Variants in LHFPL2 observed in about 807,000 individuals in gnomAD.
LHFPL2 encodes the protein LHFPL tetraspan subfamily member 2.
LHFPL2 carries 7 observed loss-of-function variants against 17.5 expected under a neutral mutation model. That is an observed-to-expected ratio of 0.40 (90% CI 0.23 to 0.75). The LOEUF (loss-of-function observed/expected upper bound fraction) is 0.75, where lower values mean the gene tolerates loss of function less well. Ranked by LOEUF, LHFPL2 falls within the 30% of genes least tolerant of loss-of-function variation. LHFPL2 has a pLI of 0.37. For synonymous variants in LHFPL2, 134 were observed against 116.2 expected, an observed-to-expected ratio of 1.15 and a Z score of -0.99; for missense variants, 241 against 294.8, an observed-to-expected ratio of 0.82 and a Z score of 1.34.
intron 1 of LHFPL2, among the ~76,000 whole-genome samples, chr5:78,635,616 C>A (rs1287042412): frequency 6.6e-6 from 1 of 152,186 alleles, no homozygotes; most frequent in East Asian, 1.9e-4. Flanking sequence ...TCCTGGCTAA[C>A]ACGGTGAAAC....
intron 2 of LHFPL2, among the ~76,000 whole-genome samples, chr5:78,620,908 T>C (rs1288792567): frequency 6.6e-6 from 1 of 152,196 alleles, no homozygotes; most frequent in Non-Finnish European, 1.5e-5. Context: ...GTGGCTCCAG[T>C]GAAATATCTC....
chr5:78,497,807 T>A (rs982998228), intron 4 of LHFPL2, among the ~76,000 whole-genome samples: 1 of 152,246 alleles, frequency 6.6e-6, no homozygotes, highest in African/African-American at 2.4e-5. Context: ...ACTGAAAACC[T>A]TCCTGGCTAC....
intron 3 of LHFPL2, among the ~76,000 whole-genome samples, chr5:78,533,165 G>A (rs904164275): frequency 9.2e-5 from 14 of 152,132 alleles, no homozygotes; most frequent in Non-Finnish European, 1.5e-4. Context: ...GGTCAGTGCC[G>A]TCAGCTTTTC....
intron 1 of LHFPL2, among the ~76,000 whole-genome samples, chr5:78,636,492 C>A (rs1018212091): frequency 3.3e-5 from 5 of 152,056 alleles, no homozygotes; most frequent in Admixed American, 6.5e-5. Flanking sequence ...GATCCTGCAT[C>A]TTTAGGAATA....
chr5:78,581,578 A>C (rs1333992291), intron 2 of LHFPL2, among the ~76,000 whole-genome samples: 1 of 152,142 alleles, frequency 6.6e-6, no homozygotes, highest in Non-Finnish European at 1.5e-5. Context: ...TTCTGTTTAT[A>C]TGCTGGATTA....
At chr5:78,572,904 G>A (rs964044112) in intron 2 of LHFPL2, among the ~76,000 whole-genome samples, 3 of 152,116 alleles carry the variant, frequency 2.0e-5, no homozygotes, top group African/African-American at 7.2e-5. Context: ...ATTCTCATAA[G>A]GAGCATACAA....
chr5:78,637,152 A>G (rs895433713), intron 1 of LHFPL2, among the ~76,000 whole-genome samples: 1 of 152,174 alleles, frequency 6.6e-6, no homozygotes, highest in Non-Finnish European at 1.5e-5. Context: ...AACCCCGGGT[A>G]GGGTCTGGTC....
intron 3 of LHFPL2, among the ~76,000 whole-genome samples, chr5:78,527,565 CT>C (rs139157513): frequency 0.012 from 1,789 of 151,942 alleles, 24 homozygotes; most frequent in African/African-American, 0.041. Flanking sequence ...TCACCAGACC[CT>C]TTTGTGTTCA....
intron 3 of LHFPL2, among the ~76,000 whole-genome samples, chr5:78,522,706 C>T (rs1391656800): frequency 6.6e-6 from 1 of 152,156 alleles, no homozygotes; most frequent in East Asian, 1.9e-4. Context: ...TGAAGATACT[C>T]TTACTGCCCT....
chr5:78,488,562 G>C lies in LHFPL2; in HGVS notation c.*335C>G. 3.6e-6 allele frequency: 1 copy of C among 279,786 alleles called. No homozygotes were observed. Among genetic ancestry groups the C allele is most frequent in the Non-Finnish European group, 7.0e-6 (1 of 143,846 alleles). The allele number at this position is 279,786 out of a possible 1,614,324, so 17.3% of individuals were successfully genotyped here. ...GAAACAGCCTGCAGATCTGGCGGAC[G>C]GTCTCTTCCGTTACCAGAGAAACTG... On this transcript the variant is annotated 3_prime_UTR_variant, in exon 5 of 5. Transcript: ENST00000380345.
intron 2 of LHFPL2, among the ~76,000 whole-genome samples, chr5:78,581,427 T>G (rs983765587): frequency 2.0e-4 from 31 of 152,254 alleles, no homozygotes; most frequent in African/African-American, 3.6e-4. Context: ...TGGCTGTGGG[T>G]TTGTCATAGA....
intron 2 of LHFPL2, among the ~76,000 whole-genome samples, chr5:78,573,033 C>T (rs577945804): frequency 1.9e-4 from 29 of 152,286 alleles, no homozygotes; most frequent in African/African-American, 6.7e-4. Flanking sequence ...CCTGGTCCTG[C>T]TGTGCAGCTT....
chr5:78,569,870 A>G (rs533728584), intron 2 of LHFPL2, among the ~76,000 whole-genome samples: 2 of 152,366 alleles, frequency 1.3e-5, no homozygotes, highest in African/African-American at 4.8e-5. Flanking sequence ...TGATTCAAAC[A>G]TTATCCCATC....
intron 4 of LHFPL2, among the ~76,000 whole-genome samples, chr5:78,489,537 C>T (rs1285979279): frequency 6.6e-6 from 1 of 152,088 alleles, no homozygotes; most frequent in African/African-American, 2.4e-5. Context: ...CCAAGTAGCT[C>T]GGATTACAGG....
intron 4 of LHFPL2, 123 bp from the exon 5 acceptor site, chr5:78,489,276 G>A: frequency 9.6e-7 from 1 of 1,041,436 alleles, no homozygotes; most frequent in Non-Finnish European, 1.4e-6. Flanking sequence ...AATAGAAAGT[G>A]TTGGGACTGT....
intron 3 of LHFPL2, among the ~76,000 whole-genome samples, chr5:78,547,377 C>A (rs1224097325): frequency 1.3e-5 from 2 of 152,144 alleles, no homozygotes; most frequent in Non-Finnish European, 1.5e-5. Context: ...ACATCAACTC[C>A]CCAAAAGCAA....
In LHFPL2 at chr5:78,485,683, G is replaced by A. The variant is rs1030079607; in HGVS notation, c.*3214C>T. ...TTAAATACTGGTCTAGCATTAGCAT[G>A]GTCTATAAAAGCATGTTAAGAAATA... On this transcript the variant is annotated 3_prime_UTR_variant, in exon 5 of 5. Transcript: ENST00000380345. 6.6e-6 allele frequency: 1 copy of A among 152,534 alleles called. No individual in the cohort carries two copies. The highest frequency in any genetic ancestry group is 1.9e-4 in the East Asian group (1 of 5,202). The allele number at this position is 152,534 out of a possible 1,614,324, so 9.4% of individuals were successfully genotyped here. A position where few individuals can be genotyped will look rare whatever the true frequency, so the allele number is the denominator to read the frequency against.
At chr5:78,581,704 G>A (rs1355400572) in intron 2 of LHFPL2, among the ~76,000 whole-genome samples, 2 of 152,146 alleles carry the variant, frequency 1.3e-5, no homozygotes, top group African/African-American at 4.8e-5. Context: ...GTATTTTATT[G>A]AGGATTTTTG....
chr5:78,510,056 G>T lies in LHFPL2; in HGVS notation c.158C>A (p.Ser53Tyr). ...GVEPAGPGGG[S>Y]PEPYHPTLGI... ...CAGGGTGGGGTGGTAGGGCTCCGGG[G>T]AGCCCCCGCCCGGGCCCGCCGGCTC... is the stretch of plus-strand genomic sequence containing the variant. The change falls in exon 4 of 5, where the codon TCC (serine) becomes TAC (tyrosine). Residue 53 changes from serine (S) to tyrosine (Y), a missense_variant. Ser to Tyr is a moderately radical substitution (Grantham distance 144). Coordinates refer to ENST00000380345, the MANE Select transcript of LHFPL2 (RefSeq NM_005779.3). 6.2e-7 allele frequency: 1 copy of T among 1,610,162 alleles called. No individual in the cohort carries two copies. Among genetic ancestry groups the T allele is most frequent in the African/African-American group, 1.3e-5 (1 of 74,984 alleles).
Sources: gnomAD v4.1 joint callset for allele counts (sites outside exome capture counted in the v4.1 genomes callset) on GRCh38, gnomAD v4.1.1 for gene constraint, MANE v1.5 for transcripts, NCBI Gene and HGNC (gene_info 2026-07-23, HGNC 2026-07-21) for gene names.